Variants in OSBPL3 observed in about 807,000 individuals in gnomAD.
OSBPL3 encodes oxysterol-binding protein-related protein 3.
Under a neutral mutation model 120.1 loss-of-function variants are expected in OSBPL3, and 65 were observed. That is an observed-to-expected ratio of 0.54 (90% CI 0.44 to 0.67). The LOEUF is 0.67. Among genes scored for constraint, OSBPL3 ranks in the 30% least tolerant of loss-of-function variants. The pLI is 0.00. For missense variants in OSBPL3, 1,004 were observed against 1,082.1 expected (o/e 0.93, Z 1.01); for synonymous variants, 416 against 402.6 (o/e 1.03, Z -0.40).
rs762324591 is a variant in OSBPL3, at chr7:24,863,612, A to G, written c.674-13T>C. The G allele has an allele frequency of 6.4e-7, 1 of 1,557,322 alleles. No individual in the cohort carries two copies. The highest frequency in any genetic ancestry group is 1.1e-5 in the South Asian group (1 of 89,926). Reference sequence around the variant, plus strand: ...CAGTGCGCCAGGTCTGTGGGGGAAAAGAGGACAGTGCTCACAATGCTCCAC... The same window carrying G: ...CAGTGCGCCAGGTCTGTGGGGGAAAGGAGGACAGTGCTCACAATGCTCCAC... On this transcript the variant is annotated splice_polypyrimidine_tract_variant and intron_variant, in intron 7 of 22. Coordinates refer to ENST00000313367, the MANE Select transcript of OSBPL3 (RefSeq NM_015550.4). This position sits in a 1 kb window ranked among gnomAD's most constrained non-coding sequence, Gnocchi z 5.8.
rs183315002 is a variant in OSBPL3 at position 24,821,986 on chromosome 7, G to T, written c.1885-1748C>A. Among the ~76,000 whole-genome samples the T allele has an allele frequency of 7.7e-4, 117 of 152,252 alleles. No individual in the cohort carries two copies. Among genetic ancestry groups the T allele is most frequent in the Middle Eastern group, 3.4e-3 (1 of 294 alleles). Reference sequence around the variant, plus strand: ...CCTCCAGGGCTCAAGTGATCCTCCTGTCTCAGCCTCTCAAGTTGCTGGGAC... The same window carrying T: ...CCTCCAGGGCTCAAGTGATCCTCCTTTCTCAGCCTCTCAAGTTGCTGGGAC... On this transcript the variant is annotated intron_variant, in intron 16 of 22. Transcript: ENST00000313367. The surrounding 1 kb of genome is among the most constrained non-coding windows in gnomAD (Gnocchi z 5.5).
chr7:24,923,860 C>T (rs111375402), intron 1 of OSBPL3, among the ~76,000 whole-genome samples: 3 of 152,316 alleles, frequency 2.0e-5, no homozygotes, highest in African/African-American at 7.2e-5. Context: ...GAGCTGCCCC[C>T]TTGCATCACT....
intron 2 of OSBPL3, among the ~76,000 whole-genome samples, chr7:24,882,523 A>T (rs1202141553): frequency 1.3e-5 from 2 of 152,184 alleles, no homozygotes; most frequent in Non-Finnish European, 2.9e-5. Flanking sequence ...TTAATTTTAT[A>T]TCTCTGATAT....
At chr7:24,837,039 T>C (rs888475414) in intron 14 of OSBPL3, among the ~76,000 whole-genome samples, 2 of 152,126 alleles carry the variant, frequency 1.3e-5, no homozygotes, top group African/African-American at 4.8e-5. Flanking sequence ...TTTACTATGT[T>C]GCCAAGGCTG....
rs1175696757 is a variant in OSBPL3, at chr7:24,877,632, C to CA, written c.97-5564dup. Among the ~76,000 whole-genome samples the CA allele has an allele frequency of 6.6e-6, 1 of 152,128 alleles. No individual in the cohort carries two copies. The highest frequency in any genetic ancestry group is 2.4e-5 in the African/African-American group (1 of 41,428). ...TGAGTCTGCAAAGCAAGGGGGGTAT[C>CA]AAAAGAGTCCCCCAGAACCTTCGGG... On this transcript the variant is annotated intron_variant, in intron 2 of 22. Transcript: ENST00000313367. The surrounding 1 kb of genome is among the most constrained non-coding windows in gnomAD (Gnocchi z 4.8).
chr7:24,911,405 G>A (rs1379016671), intron 1 of OSBPL3, among the ~76,000 whole-genome samples: 1 of 152,202 alleles, frequency 6.6e-6, no homozygotes, highest in Admixed American at 6.5e-5. Flanking sequence ...TGAAATGTGA[G>A]CATGAAGTTT....
intron 1 of OSBPL3, among the ~76,000 whole-genome samples, chr7:24,935,417 T>C (rs946871921): frequency 9.9e-5 from 15 of 152,222 alleles, no homozygotes; most frequent in Non-Finnish European, 2.1e-4. Context: ...ATATGTATTG[T>C]ATATATTTCC....
In OSBPL3 at chr7:24,962,556, G is replaced by A. The variant is rs376165748; in HGVS notation, c.-150+17330C>T. Among the ~76,000 whole-genome samples, 14 of 152,198 alleles carry A rather than the reference G, an allele frequency of 9.2e-5. No homozygotes were observed. The East Asian group carries it at 1.6e-3, about 17-fold the overall frequency. On this transcript the variant is annotated intron_variant, in intron 1 of 22. Transcript: ENST00000313367. ...ACTCTGGCCCCAGTAGCTGGTTCAG[G>A]ATTAGGCACACGACCCAGGTGGGAA...
rs751045507 is a variant in OSBPL3, at chr7:24,871,324, T to G, written c.267+418A>C. ...CTACAAGGGACAGGACAAATGGTCA[T>G]TCACACACAGAGCCTTCACACACCA... On this transcript the variant is annotated intron_variant, in intron 4 of 22. Coordinates refer to ENST00000313367, the MANE Select transcript of OSBPL3 (RefSeq NM_015550.4). The surrounding 1 kb of genome is among the most constrained non-coding windows in gnomAD (Gnocchi z 4.8). Among the ~76,000 whole-genome samples the G allele has an allele frequency of 2.0e-5, 3 of 152,174 alleles. No homozygotes were observed. The highest frequency in any genetic ancestry group is 2.9e-5 in the Non-Finnish European group (2 of 68,028).
In OSBPL3 at chr7:24,922,057, TG is replaced by T. The variant is rs1030786565; in HGVS notation, c.-149-29437del. Among the ~76,000 whole-genome samples the T allele has an allele frequency of 6.6e-6, 1 of 152,236 alleles. No individual in the cohort carries two copies. The highest frequency in any genetic ancestry group is 1.5e-5 in the Non-Finnish European group (1 of 68,042). On this transcript the variant is annotated intron_variant, in intron 1 of 22. Coordinates refer to ENST00000313367, the MANE Select transcript of OSBPL3 (RefSeq NM_015550.4). This position sits in a 1 kb window ranked among gnomAD's most constrained non-coding sequence, Gnocchi z 4.3. ...ACAGCAGCCACCTCAAAAACGCTTG[TG>T]GAATCTCTATACTTCTAACATTGTT...
chr7:24,872,561 CTTGA>C lies in OSBPL3; in HGVS notation c.97-496_97-493del, dbSNP rs1234696459. On this transcript the variant is annotated intron_variant, in intron 2 of 22. Coordinates refer to ENST00000313367, the MANE Select transcript of OSBPL3 (RefSeq NM_015550.4). This position sits in a 1 kb window ranked among gnomAD's most constrained non-coding sequence, Gnocchi z 4.1. ...CAATGCAAATCAGTAAATATGACAA[CTTGA>C]TTGAAATAATTATTTTGTTGAAAAT... 3.3e-5 allele frequency among the ~76,000 whole-genome samples: 5 copies of C among 151,030 alleles called. No individual in the cohort carries two copies. The highest frequency in any genetic ancestry group is 7.4e-5 in the Non-Finnish European group (5 of 67,842).
At chr7:24,969,048 C>T (rs1024791034) in intron 1 of OSBPL3, among the ~76,000 whole-genome samples, 2 of 152,194 alleles carry the variant, frequency 1.3e-5, no homozygotes, top group Non-Finnish European at 2.9e-5. Context: ...AGAGTGCATG[C>T]ATTTCCAATT....
At chr7:24,911,441 A>G (rs1808804419) in intron 1 of OSBPL3, among the ~76,000 whole-genome samples, 1 of 152,216 alleles carries the variant, frequency 6.6e-6, no homozygotes, top group Non-Finnish European at 1.5e-5. Context: ...TCCTACAAAA[A>G]TCAACTTATC....
intron 10 of OSBPL3, among the ~76,000 whole-genome samples, chr7:24,860,516 C>A (rs115604742): frequency 2.3e-4 from 35 of 152,302 alleles, no homozygotes; most frequent in South Asian, 6.2e-4. Context: ...TTCTCTCTTG[C>A]CTGCCACCAT....
At chr7:24,980,626 T>G (rs1431349741), upstream of OSBPL3, among the ~76,000 whole-genome samples, 1 of 151,556 alleles carries the variant, frequency 6.6e-6, no homozygotes, top group African/African-American at 2.4e-5. Context: ...CTAGGAGAAC[T>G]CGACCTCCCG....
intron 1 of OSBPL3, among the ~76,000 whole-genome samples, chr7:24,907,205 C>A (rs1266038793): frequency 6.6e-6 from 1 of 152,218 alleles, no homozygotes; most frequent in Non-Finnish European, 1.5e-5. Context: ...CCCAGCACTT[C>A]AATCCTTATA....
In OSBPL3 at chr7:24,834,410, T is replaced by C; in HGVS notation, c.1746+76A>G. On this transcript the variant is annotated intron_variant, in intron 15 of 22. Coordinates refer to ENST00000313367, the MANE Select transcript of OSBPL3 (RefSeq NM_015550.4). This position sits in a 1 kb window ranked among gnomAD's most constrained non-coding sequence, Gnocchi z 5.2. The stretch of plus-strand genomic sequence containing the variant: ...AACCGGAGGGAACAGGGGCTGTCTC[T>C]CTGATGGGCCCCGTGAATGGCCTCG... 2 of 1,548,696 alleles carry C rather than the reference T, an allele frequency of 1.3e-6. No homozygotes were observed. Among genetic ancestry groups the C allele is most frequent in the Non-Finnish European group, 1.7e-6 (2 of 1,148,552 alleles).
At chr7:24,841,694 CAAAAAAAAAAAAAAA>C (rs67988881) in intron 13 of OSBPL3, among the ~76,000 whole-genome samples, 1 of 12,138 alleles carries the variant, frequency 8.2e-5, no homozygotes, top group African/African-American at 2.1e-4. Context: ...GACTATGTCT[CAAAAAAAAAAAAAAA>C]AAAAAAAAAA....
rs115008207 is a variant in OSBPL3, at chr7:24,970,019, T to C, written c.-150+9867A>G. ...TCATCAAACCGGATAGTCCACCAACTCTTAAAATGTCATGCCTTGTTTCAT... is the reference window on the plus strand; with the variant it reads ...TCATCAAACCGGATAGTCCACCAACCCTTAAAATGTCATGCCTTGTTTCAT... On this transcript the variant is annotated intron_variant, in intron 1 of 22. Coordinates refer to ENST00000313367, the MANE Select transcript of OSBPL3 (RefSeq NM_015550.4). 5.2e-3 allele frequency among the ~76,000 whole-genome samples: 794 copies of C among 151,854 alleles called. 8 individuals carry two copies. The highest frequency in any genetic ancestry group is 0.018 in the African/African-American group (753 of 41,428).
Sources: allele counts gnomAD v4.1 joint callset (sites outside exome capture counted in the v4.1 genomes callset), GRCh38; gene constraint gnomAD v4.1.1; non-coding constraint Gnocchi (gnomAD v3.1); transcripts MANE v1.5; gene names NCBI Gene and HGNC (gene_info 2026-07-23, HGNC 2026-07-21).